CD84: variants seen among roughly 807,000 people sequenced by gnomAD.
The protein encoded by CD84 is CD84 molecule.
In CD84, 22 loss-of-function variants were observed where a neutral mutation model predicts 33.8. The ratio of observed to expected loss-of-function variants is 0.65; its 90% CI spans 0.46 to 0.93. The LOEUF is 0.93. Among genes scored for constraint, CD84 ranks in the 40% least tolerant of loss-of-function variants. The probability of loss-of-function intolerance (pLI) is 0.00; values close to 1 mark genes in which losing one functional copy is unlikely to be tolerated. For synonymous variants in CD84, 154 were observed against 145.2 expected (o/e 1.06, Z -0.44); for missense variants, 400 against 397.6 (o/e 1.01, Z -0.05).
intron 4 of CD84, among the ~76,000 whole-genome samples, chr1:160,551,943 T>G (rs929425176): frequency 1.3e-5 from 2 of 152,206 alleles, no homozygotes; most frequent in Non-Finnish European, 2.9e-5. Flanking sequence ...TCTTTCCTTT[T>G]AAGAATGTAT....
rs1432833022 is a variant in CD84, at chr1:160,547,133, G to A, written c.*1123C>T. ...GTAAGCTGGCTGGTGATCTGTTTGT[G>A]GGGCATGCCAGGGTGGCGGCACTCT... is the stretch of plus-strand genomic sequence containing the variant. On this transcript the variant is annotated 3_prime_UTR_variant, in exon 7 of 7. Coordinates refer to ENST00000368054, the MANE Select transcript of CD84 (RefSeq NM_003874.4). 1 of 398,820 alleles carries A rather than the reference G, an allele frequency of 2.5e-6. No homozygotes were observed. Among genetic ancestry groups the A allele is most frequent in the Non-Finnish European group, 4.4e-6 (1 of 226,086 alleles). 24.7% of individuals were successfully genotyped at this position (398,820 alleles called of 1,614,324 possible).
At chr1:160,552,369 C>T (rs544089078) in intron 4 of CD84, among the ~76,000 whole-genome samples, 1 of 152,290 alleles carries the variant, frequency 6.6e-6, no homozygotes, top group African/African-American at 2.4e-5. Flanking sequence ...AGAATGCCTC[C>T]TCCGTACCAT....
chr1:160,549,494 T>TC (rs1656048844), intron 6 of CD84, among the ~76,000 whole-genome samples: 1 of 152,214 alleles, frequency 6.6e-6, no homozygotes, highest in Admixed American at 6.5e-5. Flanking sequence ...AAAGAGCAGC[T>TC]GAGGGAGCAA....
intron 1 of CD84, among the ~76,000 whole-genome samples, chr1:160,572,716 G>T (rs1415249414): frequency 6.6e-6 from 1 of 152,130 alleles, no homozygotes; most frequent in Non-Finnish European, 1.5e-5. Flanking sequence ...CAAAGAGTGT[G>T]ATTTCGTGAC....
Position 160,548,247 on chromosome 1 carries a change from C to T in CD84, c.*9G>A. 1 of 1,614,062 alleles carries T rather than the reference C, an allele frequency of 6.2e-7. No homozygotes were observed. The highest frequency in any genetic ancestry group is 8.5e-7 in the Non-Finnish European group (1 of 1,179,952). Reference sequence around the variant, plus strand: ...CTCAGTTTCCAGAGGGAGAATTCAGCCCAGCAGCCTAGATCACAATTTCAT... The same window carrying T: ...CTCAGTTTCCAGAGGGAGAATTCAGTCCAGCAGCCTAGATCACAATTTCAT... On this transcript the variant is annotated 3_prime_UTR_variant, in exon 7 of 7. Transcript: ENST00000368054.
intron 2 of CD84, among the ~76,000 whole-genome samples, chr1:160,559,204 A>G (rs886730683): frequency 2.6e-5 from 4 of 152,174 alleles, no homozygotes; most frequent in African/African-American, 9.7e-5. Flanking sequence ...GTCGAAATGA[A>G]AGTAAAAATG....
intron 1 of CD84, among the ~76,000 whole-genome samples, chr1:160,577,986 C>G (rs1208048272): frequency 3.3e-5 from 5 of 152,016 alleles, no homozygotes; most frequent in Admixed American, 3.3e-4. Flanking sequence ...TGAAGAGCAT[C>G]AAAAATTTGA....
At chr1:160,551,193 C>T (rs1464277690) in intron 4 of CD84, 158 bp from the exon 5 acceptor site, 3 of 645,344 alleles carry the variant, frequency 4.6e-6, no homozygotes, top group Non-Finnish European at 8.3e-6. Flanking sequence ...CAGAATGTCT[C>T]AGGAGTCACT....
At chr1:160,564,691 C>T (rs1296499094) in intron 2 of CD84, among the ~76,000 whole-genome samples, 2 of 152,166 alleles carry the variant, frequency 1.3e-5, no homozygotes, top group African/African-American at 4.8e-5. Flanking sequence ...ATTCCATCTA[C>T]ATAACATGTG....
At chr1:160,548,354 C>T in intron 6 of CD84, 33 bp from the exon 7 acceptor site, 1 of 1,611,604 alleles carries the variant, frequency 6.2e-7, no homozygotes. Flanking sequence ...AAAATGTTAA[C>T]TGAGAGGTGC....
At chr1:160,579,271 T>C in intron 1 of CD84, 121 bp downstream of exon 1, 1 of 1,364,892 alleles carries the variant, frequency 7.3e-7, no homozygotes, top group Non-Finnish European at 1.0e-6. Flanking sequence ...GTACAGTAGA[T>C]ACTGAGACCC....
intron 1 of CD84, among the ~76,000 whole-genome samples, chr1:160,574,936 G>T (rs1357606136): frequency 6.6e-6 from 1 of 152,090 alleles, no homozygotes; most frequent in Admixed American, 6.6e-5. Context: ...TCTTCAAAGA[G>T]ACTAAAATAA....
At chr1:160,568,533 A>G (rs938889984) in intron 1 of CD84, among the ~76,000 whole-genome samples, 1 of 152,200 alleles carries the variant, frequency 6.6e-6, no homozygotes, top group African/African-American at 2.4e-5. Context: ...CATGCAGTGG[A>G]AAGATAGGGA....
chr1:160,574,325 A>C (rs1174345076), intron 1 of CD84, among the ~76,000 whole-genome samples: 1 of 152,110 alleles, frequency 6.6e-6, no homozygotes, highest in African/African-American at 2.4e-5. Context: ...TCTATATTCT[A>C]TACTGTTTGT....
chr1:160,557,061 T>C (rs2102152499), intron 2 of CD84, among the ~76,000 whole-genome samples: 1 of 152,338 alleles, frequency 6.6e-6, no homozygotes, highest in East Asian at 1.9e-4. Flanking sequence ...TAATGATTAC[T>C]AGTTATTGAG....
intron 1 of CD84, among the ~76,000 whole-genome samples, chr1:160,573,431 C>T (rs1358123914): frequency 6.6e-6 from 1 of 152,148 alleles, no homozygotes; most frequent in Admixed American, 6.6e-5. Flanking sequence ...TCTTAACCAT[C>T]ACTACTAGGC....
At chr1:160,575,975 G>T (rs1215289616) in intron 1 of CD84, among the ~76,000 whole-genome samples, 1 of 152,168 alleles carries the variant, frequency 6.6e-6, no homozygotes, top group Non-Finnish European at 1.5e-5. Flanking sequence ...CTGGGTTTTT[G>T]ATAAGCAGTT....
At chr1:160,567,848 G>A (rs377445899) in intron 1 of CD84, among the ~76,000 whole-genome samples, 148 of 152,212 alleles carry the variant, frequency 9.7e-4, no homozygotes, top group African/African-American at 3.2e-3. Flanking sequence ...GTGTCCCAGC[G>A]TGAATCCCTG....
At position 160,543,896 on chromosome 1, in the gene CD84, G is replaced by A. The variant is rs944290519; in HGVS notation, c.*4360C>T. The A allele has an allele frequency of 5.9e-5, 9 of 151,880 alleles. No homozygotes were observed. Among genetic ancestry groups the A allele is most frequent in the Non-Finnish European group, 1.2e-4 (8 of 67,984 alleles). 9.4% of individuals were successfully genotyped at this position (151,880 alleles called of 1,614,324 possible). On this transcript the variant is annotated 3_prime_UTR_variant, in exon 7 of 7. Transcript: ENST00000368054. ...TAGAACAGCTTATAAAAAATTTCCC[G>A]AACTTTGCCATGCACAGGCACATTC... is the stretch of plus-strand genomic sequence containing the variant.
Sources: allele counts gnomAD v4.1 joint callset (sites outside exome capture counted in the v4.1 genomes callset), GRCh38; gene constraint gnomAD v4.1.1; transcripts MANE v1.5; gene names NCBI Gene and HGNC (gene_info 2026-07-23, HGNC 2026-07-21).